CSMD1: variants seen among roughly 807,000 people sequenced by gnomAD.
The protein encoded by CSMD1 is CUB and sushi domain-containing protein 1.
In CSMD1, 213 loss-of-function variants were observed where a neutral mutation model predicts 417.5. The ratio of observed to expected loss-of-function variants is 0.51; its 90% CI spans 0.46 to 0.57. The LOEUF is 0.57. Ranked by LOEUF, CSMD1 falls within the 20% of genes least tolerant of loss-of-function variation. The probability of loss-of-function intolerance (pLI) is 0.00; values close to 1 mark genes in which losing one functional copy is unlikely to be tolerated. For synonymous variants in CSMD1, 2,862 were observed against 1,736.8 expected (o/e 1.65, Z -16.11); for missense variants, 6,923 against 4,529.7 (o/e 1.53, Z -15.17).
intron 30 of CSMD1, among the ~76,000 whole-genome samples, chr8:3,209,762 A>G (rs1797498464): frequency 6.6e-6 from 1 of 152,262 alleles, no homozygotes; most frequent in African/African-American, 2.4e-5. Context: ...TAATTAACAT[A>G]TTAAACAGAT....
intron 10 of CSMD1, among the ~76,000 whole-genome samples, chr8:3,520,665 GTTTA>G (rs927143924): frequency 1.3e-5 from 2 of 151,862 alleles, no homozygotes; most frequent in African/African-American, 4.8e-5. Context: ...TCTTTTGTTT[GTTTA>G]TTTGTTTCTT....
intron 1 of CSMD1, among the ~76,000 whole-genome samples, chr8:4,683,936 G>C (rs1010570000): frequency 6.6e-6 from 1 of 152,192 alleles, no homozygotes; most frequent in Non-Finnish European, 1.5e-5. Context: ...TATACAAGAA[G>C]AGTTTTTAAT....
At chr8:4,261,259 C>T (rs966499812) in intron 3 of CSMD1, among the ~76,000 whole-genome samples, 1 of 152,124 alleles carries the variant, frequency 6.6e-6, no homozygotes, top group African/African-American at 2.4e-5. Flanking sequence ...AAAAAGAACG[C>T]CTGTTTTCTT....
intron 1 of CSMD1, among the ~76,000 whole-genome samples, chr8:4,754,266 A>C (rs1447037854): frequency 2.0e-5 from 3 of 152,228 alleles, no homozygotes; most frequent in African/African-American, 7.2e-5. Flanking sequence ...AGATTGACTA[A>C]GAAGACAATT....
At chr8:3,135,438 G>A (rs1337774723) in intron 41 of CSMD1, among the ~76,000 whole-genome samples, 1 of 151,088 alleles carries the variant, frequency 6.6e-6, no homozygotes. Flanking sequence ...GAAGTCTGCT[G>A]ATCACATTTC....
intron 5 of CSMD1, among the ~76,000 whole-genome samples, chr8:3,761,363 G>A (rs1422716842): frequency 6.6e-6 from 1 of 151,884 alleles, no homozygotes; most frequent in East Asian, 1.9e-4. Flanking sequence ...TAATTCAAAA[G>A]TTTTGTGCAC....
intron 5 of CSMD1, among the ~76,000 whole-genome samples, chr8:3,764,118 C>T (rs1373286934): frequency 6.6e-6 from 1 of 152,112 alleles, no homozygotes; most frequent in African/African-American, 2.4e-5. Context: ...CTAGAGGCGA[C>T]CAAAGCAGGG....
intron 3 of CSMD1, among the ~76,000 whole-genome samples, chr8:4,258,375 G>A (rs866833236): frequency 7.3e-5 from 1 of 13,740 alleles, no homozygotes; most frequent in Non-Finnish European, 1.4e-4. Context: ...AGGAGGGAGG[G>A]AAGGAGGGAG....
intron 1 of CSMD1, among the ~76,000 whole-genome samples, chr8:4,924,608 G>C (rs886091884): frequency 6.7e-6 from 1 of 149,996 alleles, no homozygotes; most frequent in Non-Finnish European, 1.5e-5. Context: ...TGTAATCCCA[G>C]CTACTCAGGA....
At chr8:3,152,770 G>A (rs974113506) in intron 39 of CSMD1, among the ~76,000 whole-genome samples, 3 of 152,200 alleles carry the variant, frequency 2.0e-5, no homozygotes, top group Non-Finnish European at 4.4e-5. Context: ...CGACTTCTTT[G>A]TGGCAGAGAC....
intron 2 of CSMD1, among the ~76,000 whole-genome samples, chr8:4,552,031 C>G (rs1200964194): frequency 6.6e-6 from 1 of 152,078 alleles, no homozygotes; most frequent in Non-Finnish European, 1.5e-5. Context: ...GTAGCTTTAA[C>G]AGTTTAATTT....
intron 6 of CSMD1, among the ~76,000 whole-genome samples, chr8:3,720,361 G>A (rs553992560): frequency 3.9e-5 from 6 of 152,302 alleles, no homozygotes; most frequent in African/African-American, 1.2e-4. Context: ...TCCTGATACT[G>A]CTTCTGCCTT....
At chr8:2,938,852 C>G (rs1272654765) in intron 69 of CSMD1, 108 bp from the exon 70 acceptor site, 9 of 969,330 alleles carry the variant, frequency 9.3e-6, no homozygotes, top group Non-Finnish European at 1.4e-5. Context: ...GCAGTATAGC[C>G]AGGACGTTTG....
At chr8:3,654,816 C>T (rs1014703338) in intron 7 of CSMD1, among the ~76,000 whole-genome samples, 6 of 152,098 alleles carry the variant, frequency 3.9e-5, no homozygotes, top group African/African-American at 7.2e-5. Context: ...GCTACCATGG[C>T]GCCCAGGATC....
chr8:3,162,389 C>T, intron 37 of CSMD1, 112 bp from the exon 38 acceptor site: 1 of 695,664 alleles, frequency 1.4e-6, no homozygotes, highest in Non-Finnish European at 2.5e-6. Context: ...TGAACAAAGA[C>T]TTCAACTCTT....
chr8:3,764,169 C>T (rs1798147413), intron 5 of CSMD1, among the ~76,000 whole-genome samples: 1 of 152,150 alleles, frequency 6.6e-6, no homozygotes. Context: ...AGGGACCCCT[C>T]CTCCATTTAG....
rs116965623 is a variant in CSMD1 at position 4,010,671 on chromosome 8, G to A, written c.611-12561C>T. 9.2e-3 allele frequency among the ~76,000 whole-genome samples: 1,393 copies of A among 152,212 alleles called. 12 individuals are homozygous for A. The highest frequency in any genetic ancestry group is 0.014 in the Non-Finnish European group (974 of 68,010). On this transcript the variant is annotated intron_variant, in intron 4 of 69. Transcript: ENST00000635120. ...AATTTTTTGACTCATGGGACCTAGA[G>A]TTCCCTGACTCTGCCTCCCCTTCAC...
Position 3,822,603 on chromosome 8 carries a change from C to A in CSMD1, c.819-68561G>T, listed in dbSNP as rs556444670. Reference sequence around the variant, plus strand: ...TTTATTGGTAACTTTTTTCTCTGGGCACCACCTTCTGTCACCCGCTACCTC... The same window carrying A: ...TTTATTGGTAACTTTTTTCTCTGGGAACCACCTTCTGTCACCCGCTACCTC... On this transcript the variant is annotated intron_variant, in intron 5 of 69. Coordinates refer to ENST00000635120, the MANE Select transcript of CSMD1 (RefSeq NM_033225.6). Among the ~76,000 whole-genome samples the A allele has an allele frequency of 2.0e-5, 3 of 152,280 alleles. No homozygotes were observed. The East Asian group carries it at 5.8e-4, about 29-fold the overall frequency.
intron 58 of CSMD1, 57 bp downstream of exon 58, chr8:2,966,513 C>T (rs1803973306): frequency 4.7e-6 from 7 of 1,496,268 alleles, no homozygotes; most frequent in Non-Finnish European, 6.4e-6. Flanking sequence ...ATTTTTTTTC[C>T]CAATGGAGTG....
Sources: gnomAD v4.1 joint callset for allele counts (sites outside exome capture counted in the v4.1 genomes callset) on GRCh38, gnomAD v4.1.1 for gene constraint, MANE v1.5 for transcripts, NCBI Gene and HGNC (gene_info 2026-07-23, HGNC 2026-07-21) for gene names.